The following ATP9B variants were observed in gnomAD, a reference collection of about 807,000 sequenced individuals.
The protein encoded by ATP9B is ATPase phospholipid transporting 9B.
Under a neutral mutation model 146.1 loss-of-function variants are expected in ATP9B, and 110 were observed. That is an observed-to-expected ratio of 0.75 (90% confidence interval 0.65 to 0.88). The LOEUF (loss-of-function observed/expected upper bound fraction) is 0.88. ATP9B is among the 40% of genes least tolerant of loss of function. ATP9B has a pLI of 0.00. For missense variants in ATP9B, 1,499 were observed against 1,496.4 expected (o/e 1.00, Z -0.03); for synonymous variants, 604 against 569.7 (o/e 1.06, Z -0.86).
intron 4 of ATP9B, among the ~76,000 whole-genome samples, chr18:79,114,067 T>C (rs1331376493): frequency 6.6e-6 from 1 of 152,146 alleles, no homozygotes; most frequent in Non-Finnish European, 1.5e-5. Flanking sequence ...GCCTCCCGGG[T>C]GCAAGCAGTT....
chr18:79,256,257 C>CCATATA (rs1262664506), intron 12 of ATP9B, among the ~76,000 whole-genome samples: 114 of 100,316 alleles, frequency 1.1e-3, no homozygotes, highest in African/African-American at 1.3e-3. Context: ...TTCTAGCTAG[C>CCATATA]TATATATATA....
rs141100941 is a variant in ATP9B, at chr18:79,160,969, C to G, written c.778+6414C>G. On this transcript the variant is annotated intron_variant, in intron 7 of 29. Coordinates refer to ENST00000426216, the MANE Select transcript of ATP9B (RefSeq NM_198531.5). ...ATTTTTAGTAGAGATGGGGTTTTAC[C>G]ACGTTGGCCAGGCTGGTCTTGTACT... 1.0e-3 allele frequency among the ~76,000 whole-genome samples: 155 copies of G among 152,210 alleles called. 1 individual carries two copies. Among genetic ancestry groups the G allele is most frequent in the African/African-American group, 4.1e-4 (17 of 41,508 alleles).
chr18:79,220,871 G>A (rs1440739650), intron 11 of ATP9B, among the ~76,000 whole-genome samples: 4 of 152,132 alleles, frequency 2.6e-5, no homozygotes, highest in East Asian at 1.9e-4. Context: ...AGGATGTCAC[G>A]CCCTCTTGCT....
chr18:79,164,888 T>TA (rs1398361172), intron 7 of ATP9B, among the ~76,000 whole-genome samples: 3 of 152,108 alleles, frequency 2.0e-5, no homozygotes, highest in African/African-American at 7.2e-5. Flanking sequence ...CATGTGGAAA[T>TA]ACTTTTAGGA....
At chr18:79,291,497 T>C (rs937737770) in intron 13 of ATP9B, among the ~76,000 whole-genome samples, 1 of 152,224 alleles carries the variant, frequency 6.6e-6, no homozygotes, top group Non-Finnish European at 1.5e-5. Flanking sequence ...TAGCAAGTTA[T>C]GAAATTAAAA....
At chr18:79,318,281 G>GT (rs1172533307) in intron 15 of ATP9B, among the ~76,000 whole-genome samples, 1 of 152,252 alleles carries the variant, frequency 6.6e-6, no homozygotes, top group Non-Finnish European at 1.5e-5. Flanking sequence ...GACGACCTCA[G>GT]TCAGGTGAGT....
intron 1 of ATP9B, among the ~76,000 whole-genome samples, chr18:79,073,281 T>C (rs2072172452): frequency 6.6e-6 from 1 of 152,014 alleles, no homozygotes; most frequent in Non-Finnish European, 1.5e-5. Context: ...GGCAGGCGGC[T>C]GGGAAGTGGA....
At chr18:79,320,155 C>T (rs2096707161) in intron 15 of ATP9B, among the ~76,000 whole-genome samples, 1 of 152,220 alleles carries the variant, frequency 6.6e-6, no homozygotes, top group Non-Finnish European at 1.5e-5. Context: ...TTTTAGCTTT[C>T]ATTTATTCAA....
At chr18:79,363,409 G>GTTCCT (rs1491577287) in intron 26 of ATP9B, 1 of 152,044 alleles carries the variant, frequency 6.6e-6, no homozygotes, top group East Asian at 1.9e-4. Flanking sequence ...TTCCTGGAAT[G>GTTCCT]GGAGGCATAA....
chr18:79,172,091 G>T (rs1354674071), intron 7 of ATP9B, among the ~76,000 whole-genome samples: 1 of 152,200 alleles, frequency 6.6e-6, no homozygotes, highest in East Asian at 1.9e-4. Flanking sequence ...GTTTCACCAT[G>T]CTGTTCAGGC....
chr18:79,344,259 A>G lies in ATP9B; in HGVS notation c.2383-6A>G. The stretch of plus-strand genomic sequence containing the variant: ...AATTTGGGATTCTTTTTCTCCCTTA[A>G]TGGAGGTAACCAGTCGGGGAGAGGC... On this transcript the variant is annotated splice_polypyrimidine_tract_variant and splice_region_variant and intron_variant, in intron 20 of 29. Transcript: ENST00000426216. 6.2e-7 allele frequency: 1 copy of G among 1,613,732 alleles called. No homozygotes were observed. Among genetic ancestry groups the G allele is most frequent in the East Asian group, 2.2e-5 (1 of 44,886 alleles).
At chr18:79,377,151 G>A (rs2097107455) in intron 29 of ATP9B, 96 bp from the exon 30 acceptor site, 2 of 1,452,406 alleles carry the variant, frequency 1.4e-6, no homozygotes, top group South Asian at 1.2e-5. Flanking sequence ...GGCAAGCTTA[G>A]ACCGTCTGGT....
intron 17 of ATP9B, among the ~76,000 whole-genome samples, chr18:79,331,648 A>G (rs937214084): frequency 6.6e-6 from 1 of 152,210 alleles, no homozygotes; most frequent in Non-Finnish European, 1.5e-5. Flanking sequence ...AGCTGGAGTT[A>G]AAAGTGTATT....
rs2097108436 is a variant in ATP9B, at chr18:79,377,362, C to T, written c.3423C>T (p.Ser1141=). ...KYLRRKLSPP[S]YCKLAS ...TGAGGCGCAAGCTCTCTCCTCCCAG[C>T]TACTGCAAGCTGGCCTCCTAAGGGG... Residue 1141 remains serine, a synonymous_variant, in exon 30 of 30, where the codon AGC becomes AGT. Coordinates refer to ENST00000426216, the MANE Select transcript of ATP9B (RefSeq NM_198531.5). The T allele has an allele frequency of 7.5e-6, 12 of 1,609,490 alleles. No individual in the cohort carries two copies. The highest frequency in any genetic ancestry group is 1.0e-5 in the Non-Finnish European group (12 of 1,180,014).
chr18:79,099,452 C>G lies in ATP9B; in HGVS notation c.293+2803C>G, dbSNP rs150213230. On this transcript the variant is annotated intron_variant, in intron 2 of 29. Transcript: ENST00000426216. ...GGCAAGCTGGTCTCAAACTCCTGAC[C>G]TCAAGTGATCTGCCTGCCTTGGCTT... is the stretch of plus-strand genomic sequence containing the variant. Among the ~76,000 whole-genome samples, 590 of 152,298 alleles carry G rather than the reference C, an allele frequency of 3.9e-3. 3 individuals are homozygous for G. The highest frequency in any genetic ancestry group is 0.024 in the South Asian group (118 of 4,826).
In ATP9B at chr18:79,071,399, C is replaced by CTTTTTTTTTTTTTTT. The variant is rs56119715; in HGVS notation, c.119+1884_119+1885insTTTTTTTTTTTTTTT. ...ATTTCCCCTTTTTCTATTGTTCTTCCTTTTTTTTTTTTTTGAGACAGGGTC... is the reference window on the plus strand; with the variant it reads ...ATTTCCCCTTTTTCTATTGTTCTTCCTTTTTTTTTTTTTTTTTTTTTTTTTTTTTGAGACAGGGTC... On this transcript the variant is annotated intron_variant, in intron 1 of 29. Coordinates refer to ENST00000426216, the MANE Select transcript of ATP9B (RefSeq NM_198531.5). 3.8e-3 allele frequency among the ~76,000 whole-genome samples: 260 copies of CTTTTTTTTTTTTTTT among 69,104 alleles called. 39 individuals carry two copies. The highest frequency in any genetic ancestry group is 9.8e-3 in the South Asian group (16 of 1,630). The allele number at this position is 69,104 out of a possible 152,430, so 45.3% of individuals were successfully genotyped here.
chr18:79,126,855 C>A (rs1403226246), intron 5 of ATP9B, among the ~76,000 whole-genome samples: 1 of 152,164 alleles, frequency 6.6e-6, no homozygotes, highest in African/African-American at 2.4e-5. Context: ...TTCTCCTTAA[C>A]CTTCATTCAG....
chr18:79,128,211 A>C (rs1416774312), intron 5 of ATP9B, among the ~76,000 whole-genome samples: 1 of 151,072 alleles, frequency 6.6e-6, no homozygotes, highest in Non-Finnish European at 1.5e-5. Flanking sequence ...AGGTGCCTGC[A>C]CTGCGCCCGG....
intron 12 of ATP9B, among the ~76,000 whole-genome samples, chr18:79,268,169 G>A (rs149859878): frequency 6.6e-6 from 1 of 152,156 alleles, no homozygotes; most frequent in African/African-American, 2.4e-5. Flanking sequence ...AATGCCAGCT[G>A]TCTTTAATTT....
Sources: gnomAD v4.1 joint callset for allele counts (sites outside exome capture counted in the v4.1 genomes callset) on GRCh38, gnomAD v4.1.1 for gene constraint, MANE v1.5 for transcripts, NCBI Gene and HGNC (gene_info 2026-07-23, HGNC 2026-07-21) for gene names.